The following SCRG1 variants were observed in gnomAD, a reference collection of about 807,000 sequenced individuals.
SCRG1 encodes the protein scrapie-responsive protein 1.
Under a neutral mutation model 7.7 loss-of-function variants are expected in SCRG1, and 3 were observed. The observed-to-expected ratio is 0.39, with a 90% CI of 0.18 to 1.01. SCRG1 has a LOEUF of 1.01. Ranked by LOEUF, SCRG1 falls within the 50% of genes least tolerant of loss-of-function variation. SCRG1 has a pLI of 0.36. For synonymous variants in SCRG1, 46 were observed against 41.2 expected (o/e 1.12, Z -0.44); for missense variants, 110 against 117.2 (o/e 0.94, Z 0.28).
the SCRG1 span, among the ~76,000 whole-genome samples, chr4:173,432,574 A>G: frequency 1.3e-5 from 2 of 152,054 alleles, no homozygotes; most frequent in African/African-American, 4.8e-5. Flanking sequence ...GCCTCAGCCC[A>G]TGTGTCTACA....
chr4:173,399,781 T>C (rs1210101990), upstream of SCRG1, among the ~76,000 whole-genome samples: 1 of 152,250 alleles, frequency 6.6e-6, no homozygotes, highest in Non-Finnish European at 1.5e-5. Flanking sequence ...CTAGCATCTG[T>C]TAACTGTTGT....
the SCRG1 span, among the ~76,000 whole-genome samples, chr4:173,474,015 A>C: frequency 0.05 from 7,571 of 152,148 alleles, 450 homozygotes; most frequent in Admixed American, 0.19. Context: ...CCCCATCTCT[A>C]CTAAAAATAC....
chr4:173,511,036 T>C, the SCRG1 span, among the ~76,000 whole-genome samples: 1 of 152,288 alleles, frequency 6.6e-6, no homozygotes, highest in South Asian at 2.1e-4. The surrounding 1 kb of genome is among the most constrained non-coding windows in gnomAD (Gnocchi z 5.2). Flanking sequence ...GCACTATCTC[T>C]GCTCACTGCA....
At chr4:173,464,048 T>C in the SCRG1 span, among the ~76,000 whole-genome samples, 1 of 152,176 alleles carries the variant, frequency 6.6e-6, no homozygotes. Flanking sequence ...AGTTGACCAG[T>C]GTTTACAATC....
chr4:173,417,572 TTCA>T, the SCRG1 span, among the ~76,000 whole-genome samples: 2 of 152,170 alleles, frequency 1.3e-5, no homozygotes, highest in Non-Finnish European at 2.9e-5. Flanking sequence ...TCATTTCTTC[TTCA>T]TAACTAGTCT....
chr4:173,462,078 A>G, the SCRG1 span, among the ~76,000 whole-genome samples: 1 of 152,186 alleles, frequency 6.6e-6, no homozygotes, highest in Non-Finnish European at 1.5e-5. Context: ...ATAGCCTTAA[A>G]AGGGCAAATC....
At chr4:173,462,003 A>G in the SCRG1 span, among the ~76,000 whole-genome samples, 3 of 152,160 alleles carry the variant, frequency 2.0e-5, no homozygotes, top group African/African-American at 7.2e-5. Context: ...TTGAAAATAC[A>G]CAGTCAGAGG....
At chr4:173,426,724 C>T in the SCRG1 span, among the ~76,000 whole-genome samples, 4 of 152,186 alleles carry the variant, frequency 2.6e-5, no homozygotes, top group African/African-American at 9.7e-5. Context: ...CTGCCTTGGC[C>T]TCCTAAAGTG....
the SCRG1 span, among the ~76,000 whole-genome samples, chr4:173,442,447 C>T: frequency 1.3e-5 from 2 of 152,216 alleles, no homozygotes; most frequent in South Asian, 4.1e-4. Context: ...ACTTCAGCTG[C>T]TCCCTGTCTA....
At chr4:173,391,701 A>G (rs778076415) in intron 1 of SCRG1, among the ~76,000 whole-genome samples, 17 of 152,192 alleles carry the variant, frequency 1.1e-4, no homozygotes, top group Non-Finnish European at 1.8e-4. Context: ...GCCTATGTAC[A>G]AGGATTGCTT....
In SCRG1 at chr4:173,391,637, C is replaced by T. The variant is rs142405886; in HGVS notation, c.-14-209G>A. Among the ~76,000 whole-genome samples the T allele has an allele frequency of 1.8e-3, 274 of 152,264 alleles. 1 individual carries two copies. Among genetic ancestry groups the T allele is most frequent in the African/African-American group, 6.2e-3 (258 of 41,544 alleles). ...TGGAATATTTGTTAAAAATCAAATG[C>T]GCAGGCTTCTGGGCCAGGCACAGTG... On this transcript the variant is annotated intron_variant, in intron 1 of 2. Transcript: ENST00000296506.
chr4:173,438,889 C>A, the SCRG1 span, among the ~76,000 whole-genome samples: 2 of 151,988 alleles, frequency 1.3e-5, no homozygotes, highest in Non-Finnish European at 2.9e-5. Context: ...AAACAGAGAC[C>A]GTGTTGGCTG....
At chr4:173,470,123 T>TTTTC in the SCRG1 span, 9 of 2,208 alleles carry the variant, frequency 4.1e-3, no homozygotes, top group Admixed American at 0.09. Flanking sequence ...CCTCTTTCTT[T>TTTTC]TTTTTTTTTT....
chr4:173,455,362 AAAC>A, the SCRG1 span, among the ~76,000 whole-genome samples: 1 of 152,220 alleles, frequency 6.6e-6, no homozygotes, highest in Admixed American at 6.5e-5. Context: ...AGCGGGGACT[AAAC>A]AACACTTAAT....
At chr4:173,442,581 T>C in the SCRG1 span, among the ~76,000 whole-genome samples, 2 of 152,230 alleles carry the variant, frequency 1.3e-5, no homozygotes, top group African/African-American at 4.8e-5. Flanking sequence ...CATGTTTTTC[T>C]ATCCATTTGT....
chr4:173,392,522 C>T (rs572195461), intron 1 of SCRG1, among the ~76,000 whole-genome samples: 1 of 152,344 alleles, frequency 6.6e-6, no homozygotes, highest in Non-Finnish European at 1.5e-5. Context: ...ACCAACAATT[C>T]TAATTTCTCT....
At chr4:173,423,744 T>C in the SCRG1 span, among the ~76,000 whole-genome samples, 7 of 152,154 alleles carry the variant, frequency 4.6e-5, no homozygotes, top group East Asian at 1.3e-3. Context: ...TTAGTCCATT[T>C]TCTGGTGCTA....
the SCRG1 span, among the ~76,000 whole-genome samples, chr4:173,499,299 G>A: frequency 4.6e-5 from 7 of 152,164 alleles, no homozygotes; most frequent in African/African-American, 7.2e-5. This position sits in a 1 kb window ranked among gnomAD's most constrained non-coding sequence, Gnocchi z 4.1. Context: ...CATCCTATCC[G>A]TGTTCCCTGA....
the SCRG1 span, chr4:173,467,761 G>A: frequency 6.6e-6 from 1 of 152,078 alleles, no homozygotes; most frequent in African/African-American, 2.4e-5. Flanking sequence ...TCCCAATTAT[G>A]TTGTCACATA....
Sources: gnomAD v4.1 joint callset for allele counts (sites outside exome capture counted in the v4.1 genomes callset) on GRCh38, gnomAD v4.1.1 for gene constraint, Gnocchi (gnomAD v3.1) non-coding constraint, MANE v1.5 for transcripts, NCBI Gene and HGNC (gene_info 2026-07-23, HGNC 2026-07-21) for gene names.